Variants in LRRC69 observed in about 807,000 individuals in gnomAD.
The protein encoded by LRRC69 is leucine rich repeat containing 69, also known as leucine-rich repeat-containing protein 69.
LRRC69 carries 42 observed loss-of-function variants against 37.8 expected under a neutral mutation model. The ratio of observed to expected loss-of-function variants is 1.11; its 90% CI spans 0.87 to 1.44. The LOEUF (loss-of-function observed/expected upper bound fraction) is 1.44. LRRC69 is among the 40% of genes most tolerant of loss of function. The probability of loss-of-function intolerance (pLI) is 0.00; values close to 1 mark genes in which losing one functional copy is unlikely to be tolerated. For synonymous variants in LRRC69, 141 were observed against 143.1 expected (o/e 0.99, Z 0.11); for missense variants, 357 against 401.9 (o/e 0.89, Z 0.96).
intron 5 of LRRC69, among the ~76,000 whole-genome samples, chr8:91,156,238 A>G (rs1328392442): frequency 6.6e-6 from 1 of 151,026 alleles, no homozygotes; most frequent in Non-Finnish European, 1.5e-5. Flanking sequence ...GTTACAACAA[A>G]TTCAAACTTT....
intron 5 of LRRC69, among the ~76,000 whole-genome samples, chr8:91,186,604 A>G (rs958549365): frequency 2.0e-4 from 30 of 152,200 alleles, no homozygotes; most frequent in Admixed American, 1.8e-3. Flanking sequence ...GATTTATCCT[A>G]TGGACAAAAG....
chr8:91,113,019 A>G (rs532448403), intron 1 of LRRC69, among the ~76,000 whole-genome samples: 1 of 152,124 alleles, frequency 6.6e-6, no homozygotes, highest in East Asian at 1.9e-4. Flanking sequence ...CAAACAGGTC[A>G]AAGATTTATA....
intron 4 of LRRC69, 39 bp downstream of exon 4, chr8:91,133,344 G>A: frequency 7.1e-7 from 1 of 1,415,244 alleles, no homozygotes; most frequent in Non-Finnish European, 9.3e-7. Flanking sequence ...TGCTGTTGGA[G>A]AAGAACTCAA....
chr8:91,135,224 T>C (rs1813888672), intron 4 of LRRC69, among the ~76,000 whole-genome samples: 1 of 152,066 alleles, frequency 6.6e-6, no homozygotes, highest in African/African-American at 2.4e-5. Flanking sequence ...ATTTGCTGCC[T>C]AGCTGTAGGG....
chr8:91,118,417 T>TA (rs1218789805), intron 1 of LRRC69: 3 of 312,258 alleles, frequency 9.6e-6, no homozygotes, highest in Non-Finnish European at 1.7e-5. Context: ...GGCACATACC[T>TA]ACTACTTGGG....
intron 5 of LRRC69, among the ~76,000 whole-genome samples, chr8:91,188,299 C>A (rs1809436889): frequency 1.3e-5 from 2 of 152,136 alleles, no homozygotes; most frequent in Admixed American, 6.5e-5. Flanking sequence ...ATTTTTAATT[C>A]ATTGCATGCT....
intron 4 of LRRC69, 32 bp from the exon 5 acceptor site, chr8:91,135,636 A>C: frequency 2.3e-6 from 3 of 1,307,548 alleles, no homozygotes; most frequent in Non-Finnish European, 2.1e-6. Flanking sequence ...TATTAGATTT[A>C]AAAAATCTCT....
At chr8:91,110,022 G>A (rs1451767663) in intron 1 of LRRC69, among the ~76,000 whole-genome samples, 3 of 151,896 alleles carry the variant, frequency 2.0e-5, no homozygotes, top group East Asian at 3.9e-4. Context: ...CCTTCCATAC[G>A]TTGGCCATAC....
intron 5 of LRRC69, among the ~76,000 whole-genome samples, chr8:91,147,229 C>CTATATTATATATAAACATATAATA (rs1220342030): frequency 9.8e-5 from 14 of 143,226 alleles, no homozygotes; most frequent in South Asian, 4.3e-4. Flanking sequence ...ATGAATATAG[C>CTATATTATATATAAACATATAATA]TATATTATAT....
intron 5 of LRRC69, among the ~76,000 whole-genome samples, chr8:91,166,240 A>C (rs1269835946): frequency 6.6e-6 from 1 of 151,810 alleles, no homozygotes; most frequent in Non-Finnish European, 1.5e-5. Context: ...ATATTACATT[A>C]GTTCTAATTC....
intron 5 of LRRC69, among the ~76,000 whole-genome samples, chr8:91,163,799 A>G (rs968469861): frequency 6.6e-6 from 1 of 150,966 alleles, no homozygotes; most frequent in African/African-American, 2.4e-5. Flanking sequence ...AAATTAAAAG[A>G]TTATAGTTTT....
chr8:91,136,617 T>G (rs957228669), intron 5 of LRRC69, among the ~76,000 whole-genome samples: 2 of 152,022 alleles, frequency 1.3e-5, no homozygotes, highest in African/African-American at 2.4e-5. Context: ...TAGAACCTGT[T>G]CATCTTCTCC....
intron 5 of LRRC69, among the ~76,000 whole-genome samples, chr8:91,171,309 G>A (rs7820079): frequency 0.68 from 102,374 of 151,024 alleles, 35,207 homozygotes; most frequent in Middle Eastern, 0.74. Context: ...GTTATTCCAT[G>A]TATACATTTA....
At chr8:91,178,604 G>C (rs376601495) in intron 5 of LRRC69, among the ~76,000 whole-genome samples, 153 of 152,284 alleles carry the variant, frequency 1.0e-3, no homozygotes, top group South Asian at 7.3e-3. Flanking sequence ...CAGACTCCTG[G>C]TAAAGATGAT....
chr8:91,149,541 T>C (rs1323269063), intron 5 of LRRC69, among the ~76,000 whole-genome samples: 1 of 151,996 alleles, frequency 6.6e-6, no homozygotes, highest in African/African-American at 2.4e-5. Flanking sequence ...TTTGTTCTTT[T>C]GGTTTTGGAT....
chr8:91,105,913 A>C (rs1813304357), intron 1 of LRRC69, among the ~76,000 whole-genome samples: 1 of 152,020 alleles, frequency 6.6e-6, no homozygotes, highest in Non-Finnish European at 1.5e-5. Context: ...ACAGGTGGAA[A>C]TCTCTGCCCT....
intron 6 of LRRC69, among the ~76,000 whole-genome samples, chr8:91,190,891 C>T (rs758439198): frequency 3.8e-4 from 58 of 151,974 alleles, no homozygotes; most frequent in Non-Finnish European, 7.8e-4. Context: ...CCCATCTCTA[C>T]AAAATTTTAA....
At chr8:91,168,122 A>G (rs1809061115) in intron 5 of LRRC69, among the ~76,000 whole-genome samples, 1 of 151,870 alleles carries the variant, frequency 6.6e-6, no homozygotes, top group Non-Finnish European at 1.5e-5. Context: ...AATTTAAGGT[A>G]GTGTCATGAA....
At chr8:91,188,394 A>C (rs1189063255) in intron 5 of LRRC69, among the ~76,000 whole-genome samples, 3 of 152,206 alleles carry the variant, frequency 2.0e-5, no homozygotes, top group Admixed American at 6.5e-5. Flanking sequence ...GTGTGGAGCC[A>C]CTTCACCCAG....
Sources: allele counts gnomAD v4.1 joint callset (sites outside exome capture counted in the v4.1 genomes callset), GRCh38; gene constraint gnomAD v4.1.1; transcripts MANE v1.5; gene names NCBI Gene and HGNC (gene_info 2026-07-23, HGNC 2026-07-21).